ERC2: variants seen among roughly 807,000 people sequenced by gnomAD.
ERC2 encodes ERC protein 2.
Under a neutral mutation model 114.8 loss-of-function variants are expected in ERC2, and 42 were observed. The observed-to-expected ratio is 0.37, with a 90% CI of 0.29 to 0.47. ERC2 has a LOEUF of 0.47. Among genes scored for constraint, ERC2 ranks in the 20% least tolerant of loss-of-function variants. ERC2 has a pLI of 0.99. For synonymous variants in ERC2, 454 were observed against 425.5 expected (o/e 1.07, Z -0.82); for missense variants, 939 against 1,150.7 (o/e 0.82, Z 2.66).
intron 2 of ERC2, among the ~76,000 whole-genome samples, chr3:56,331,725 C>A (rs113269340): frequency 3.9e-5 from 6 of 152,154 alleles, no homozygotes; most frequent in African/African-American, 1.4e-4. Flanking sequence ...CGTGTGGCAT[C>A]GGCCACACTG....
At chr3:55,835,997 T>C (rs989598978) in intron 14 of ERC2, among the ~76,000 whole-genome samples, 1 of 151,356 alleles carries the variant, frequency 6.6e-6, no homozygotes, top group Non-Finnish European at 1.5e-5. Flanking sequence ...TGAACTCCCA[T>C]TCACAATTGT....
chr3:56,349,998 G>A (rs937284383), intron 2 of ERC2, among the ~76,000 whole-genome samples: 1 of 151,720 alleles, frequency 6.6e-6, no homozygotes, highest in African/African-American at 2.4e-5. Context: ...ACACCCCTGT[G>A]ACATGCAATA....
intron 9 of ERC2, among the ~76,000 whole-genome samples, chr3:56,010,092 G>C (rs1052391684): frequency 6.6e-6 from 1 of 152,134 alleles, no homozygotes; most frequent in African/African-American, 2.4e-5. Context: ...CAATAAAGTA[G>C]AGCTATTGTT....
intron 14 of ERC2, among the ~76,000 whole-genome samples, chr3:55,814,940 A>T (rs2059853975): frequency 6.6e-6 from 1 of 152,180 alleles, no homozygotes; most frequent in South Asian, 2.1e-4. Context: ...TCTAGACAAG[A>T]TACCCCATCC....
intron 13 of ERC2, among the ~76,000 whole-genome samples, chr3:55,893,670 C>T (rs2063715527): frequency 6.6e-6 from 1 of 152,174 alleles, no homozygotes; most frequent in Admixed American, 6.5e-5. Flanking sequence ...CTCAGAGCCA[C>T]ATTGATCTTC....
intron 3 of ERC2, among the ~76,000 whole-genome samples, chr3:56,182,016 A>AGGGGCAC (rs2083316030): frequency 1.3e-5 from 2 of 152,184 alleles, no homozygotes; most frequent in Non-Finnish European, 1.5e-5. Flanking sequence ...CAACTCCCAA[A>AGGGGCAC]TTCCTGACCT....
At chr3:56,323,039 G>T (rs1176300802) in intron 2 of ERC2, among the ~76,000 whole-genome samples, 2 of 152,146 alleles carry the variant, frequency 1.3e-5, no homozygotes, top group Non-Finnish European at 2.9e-5. Context: ...TGGTCTGTCT[G>T]TACACACTGT....
At chr3:55,642,149 G>A (rs78995847) in intron 17 of ERC2, among the ~76,000 whole-genome samples, 25,925 of 152,124 alleles carry the variant, frequency 0.17, 2,728 homozygotes, top group Admixed American at 0.29. Context: ...GGGATTGTAA[G>A]TAATTCAGAG....
At chr3:55,951,133 T>C (rs1170039398) in intron 12 of ERC2, among the ~76,000 whole-genome samples, 1 of 152,094 alleles carries the variant, frequency 6.6e-6, no homozygotes, top group Non-Finnish European at 1.5e-5. Context: ...TGGATGTGGG[T>C]GGGAGATGGG....
intron 13 of ERC2, among the ~76,000 whole-genome samples, chr3:55,892,269 C>T (rs2063646651): frequency 6.6e-6 from 1 of 152,170 alleles, no homozygotes; most frequent in African/African-American, 2.4e-5. Flanking sequence ...CTTTGGGAGG[C>T]CAGGGCCAGT....
chr3:55,806,649 T>C (rs1374551699), intron 14 of ERC2, among the ~76,000 whole-genome samples: 1 of 152,156 alleles, frequency 6.6e-6, no homozygotes, highest in Non-Finnish European at 1.5e-5. Flanking sequence ...AGGCCAGGGA[T>C]GCTACTAAGC....
At chr3:56,373,159 A>G (rs2059416873) in intron 2 of ERC2, among the ~76,000 whole-genome samples, 1 of 152,204 alleles carries the variant, frequency 6.6e-6, no homozygotes, top group Admixed American at 6.5e-5. Context: ...ATATAAGTCT[A>G]TTTTACACAC....
intron 7 of ERC2, among the ~76,000 whole-genome samples, chr3:56,033,421 T>G (rs2074602454): frequency 1.3e-5 from 2 of 152,252 alleles, no homozygotes; most frequent in African/African-American, 2.4e-5. Flanking sequence ...AACTTTTTTA[T>G]ATTTTCATGT....
At chr3:55,967,416 C>T (rs1298725202) in intron 12 of ERC2, among the ~76,000 whole-genome samples, 1 of 152,180 alleles carries the variant, frequency 6.6e-6, no homozygotes, top group Non-Finnish European at 1.5e-5. Flanking sequence ...ATGATAGGGT[C>T]TCAACCTCGT....
intron 15 of ERC2, among the ~76,000 whole-genome samples, chr3:55,720,140 TTCC>T (rs1559547006): frequency 0.02 from 25 of 1,276 alleles, 7 homozygotes; most frequent in African/African-American, 0.063. Flanking sequence ...CCTCTTCTTC[TTCC>T]TCTTCTTCTT....
chr3:56,323,244 TC>T (rs1381812391), intron 2 of ERC2, among the ~76,000 whole-genome samples: 1 of 152,026 alleles, frequency 6.6e-6, no homozygotes, highest in African/African-American at 2.4e-5. Context: ...CAGCTATTGG[TC>T]ATCACATGTG....
intron 6 of ERC2, among the ~76,000 whole-genome samples, chr3:56,118,760 C>G (rs2079400721): frequency 6.6e-6 from 1 of 151,858 alleles, no homozygotes; most frequent in South Asian, 2.1e-4. Flanking sequence ...CCTCAGCCTC[C>G]CGAGTAGCTG....
intron 1 of ERC2, among the ~76,000 whole-genome samples, chr3:56,437,183 G>A (rs1181317094): frequency 1.3e-5 from 2 of 152,178 alleles, no homozygotes; most frequent in African/African-American, 4.8e-5. Context: ...CTCTACCATA[G>A]TAATTAGAAT....
At chr3:55,986,625 G>A (rs187151478) in intron 11 of ERC2, among the ~76,000 whole-genome samples, 181 of 152,192 alleles carry the variant, frequency 1.2e-3, no homozygotes, top group Non-Finnish European at 2.0e-3. Flanking sequence ...ATCAGCTTCC[G>A]CAGCAAGGAC....
Sources: allele counts gnomAD v4.1 joint callset (sites outside exome capture counted in the v4.1 genomes callset), GRCh38; gene constraint gnomAD v4.1.1; transcripts MANE v1.5; gene names NCBI Gene and HGNC (gene_info 2026-07-23, HGNC 2026-07-21).